Variants in SLC38A1 observed in about 807,000 individuals in gnomAD.
The protein encoded by SLC38A1 is sodium-coupled neutral amino acid symporter 1.
Under a neutral mutation model 60.3 loss-of-function variants are expected in SLC38A1, and 18 were observed. The ratio of observed to expected loss-of-function variants is 0.30; its 90% CI spans 0.21 to 0.44. SLC38A1 has a LOEUF of 0.44. SLC38A1 is among the 20% of genes least tolerant of loss of function. SLC38A1 has a pLI of 1.00. For synonymous variants in SLC38A1, 196 were observed against 212.1 expected (o/e 0.92, Z 0.66); for missense variants, 448 against 587.2 (o/e 0.76, Z 2.45).
Position 46,186,703 on chromosome 12 carries a change from A to G in SLC38A1, c.*2267T>C, listed in dbSNP as rs922087707. ...ACAACACTGTGCCTCCTCTAAATAAATCTATTTTAAATAAATATTCCTTGT... is the reference window on the plus strand; with the variant it reads ...ACAACACTGTGCCTCCTCTAAATAAGTCTATTTTAAATAAATATTCCTTGT... On this transcript the variant is annotated 3_prime_UTR_variant, in exon 17 of 17. Coordinates refer to ENST00000398637, the MANE Select transcript of SLC38A1 (RefSeq NM_030674.4). 1 of 152,208 alleles carries G rather than the reference A, an allele frequency of 6.6e-6. No homozygotes were observed. The highest frequency in any genetic ancestry group is 1.5e-5 in the Non-Finnish European group (1 of 68,038). 9.4% of individuals were successfully genotyped at this position (152,208 alleles called of 1,614,324 possible). A position where few individuals can be genotyped will look rare whatever the true frequency, so the allele number is the denominator to read the frequency against.
chr12:46,223,338 G>A (rs913388293), intron 5 of SLC38A1, among the ~76,000 whole-genome samples: 1 of 152,052 alleles, frequency 6.6e-6, no homozygotes, highest in Admixed American at 6.6e-5. Flanking sequence ...GTAAATGTTA[G>A]CCATTATTTA....
intron 5 of SLC38A1, 106 bp from the exon 6 acceptor site, chr12:46,209,233 T>A: frequency 1.4e-6 from 1 of 709,242 alleles, no homozygotes; most frequent in Non-Finnish European, 2.3e-6. Flanking sequence ...CACTATTTGT[T>A]AATAGTATCC....
In SLC38A1 at chr12:46,254,048, A is replaced by ACAAGGC. The variant is rs1478192098; in HGVS notation, c.-208-10735_-208-10734insGCCTTG. ...TTATGCCTATACAGAGTGCCATAGC[A>ACAAGGC]ATGTATTCCACAAGAGTAAAGCAAA... On this transcript the variant is annotated intron_variant, in intron 1 of 16. Coordinates refer to ENST00000398637, the MANE Select transcript of SLC38A1 (RefSeq NM_030674.4). Among the ~76,000 whole-genome samples, 34 of 152,360 alleles carry ACAAGGC rather than the reference A, an allele frequency of 2.2e-4. No individual in the cohort carries two copies. In the East Asian group the frequency reaches 6.4e-3, roughly 28 times the overall value.
Position 46,188,332 on chromosome 12 carries a change from T to C in SLC38A1, c.*638A>G, listed in dbSNP as rs747510006. 5 of 152,428 alleles carry C rather than the reference T, an allele frequency of 3.3e-5. No homozygotes were observed. The highest frequency in any genetic ancestry group is 5.9e-5 in the Non-Finnish European group (4 of 68,042). The allele number at this position is 152,428 out of a possible 1,614,324, so 9.4% of individuals were successfully genotyped here. A position where few individuals can be genotyped will look rare whatever the true frequency, so the allele number is the denominator to read the frequency against. ...GCCAGAGAATGTCTCTGGATGGGAATAGATGTGGTACCAGCTAGGCCACTG... is the reference window on the plus strand; with the variant it reads ...GCCAGAGAATGTCTCTGGATGGGAACAGATGTGGTACCAGCTAGGCCACTG... On this transcript the variant is annotated 3_prime_UTR_variant, in exon 17 of 17. Coordinates refer to ENST00000398637, the MANE Select transcript of SLC38A1 (RefSeq NM_030674.4).
intron 5 of SLC38A1, among the ~76,000 whole-genome samples, chr12:46,209,900 A>G (rs1289304277): frequency 1.3e-5 from 2 of 152,240 alleles, no homozygotes; most frequent in Non-Finnish European, 2.9e-5. Context: ...GTTAAAACAG[A>G]CATGATAATT....
At chr12:46,254,312 A>G (rs1315666929) in intron 1 of SLC38A1, among the ~76,000 whole-genome samples, 3 of 151,884 alleles carry the variant, frequency 2.0e-5, no homozygotes, top group African/African-American at 7.2e-5. Context: ...TGATGAGACT[A>G]GAATTTAATA....
chr12:46,199,610 T>C (rs1939559087), intron 13 of SLC38A1, among the ~76,000 whole-genome samples: 1 of 151,954 alleles, frequency 6.6e-6, no homozygotes, highest in Non-Finnish European at 1.5e-5. Context: ...CCACCTACCT[T>C]GGCCTCCCAA....
intron 1 of SLC38A1, among the ~76,000 whole-genome samples, chr12:46,247,803 C>A (rs1175234438): frequency 6.6e-6 from 1 of 152,208 alleles, no homozygotes; most frequent in Non-Finnish European, 1.5e-5. Context: ...GGGTTACCCA[C>A]AAAGGGAAGC....
At chr12:46,238,261 G>C (rs922889911) in intron 3 of SLC38A1, among the ~76,000 whole-genome samples, 5 of 148,746 alleles carry the variant, frequency 3.4e-5, no homozygotes. Context: ...ACATCACCTA[G>C]CACAGTTGAC....
In SLC38A1 at chr12:46,188,742, A is replaced by G; in HGVS notation, c.*228T>C. ...AGTACTGGGAAATATGATTGTATGA[A>G]ATTTGAAAAAAAAATTTCACAATCC... On this transcript the variant is annotated 3_prime_UTR_variant, in exon 17 of 17. Coordinates refer to ENST00000398637, the MANE Select transcript of SLC38A1 (RefSeq NM_030674.4). 1 of 425,464 alleles carries G rather than the reference A, an allele frequency of 2.4e-6. No individual in the cohort carries two copies. Among genetic ancestry groups the G allele is most frequent in the South Asian group, 4.9e-5 (1 of 20,246 alleles). The allele number at this position is 425,464 out of a possible 1,614,324, so 26.4% of individuals were successfully genotyped here.
chr12:46,225,388 A>G (rs1940822742), intron 5 of SLC38A1, among the ~76,000 whole-genome samples: 1 of 152,222 alleles, frequency 6.6e-6, no homozygotes, highest in Admixed American at 6.5e-5. Context: ...TGGAAAGTAT[A>G]CAATATATGT....
At chr12:46,240,428 T>G (rs1327790750) in intron 2 of SLC38A1, among the ~76,000 whole-genome samples, 3 of 152,204 alleles carry the variant, frequency 2.0e-5, no homozygotes, top group Non-Finnish European at 4.4e-5. Flanking sequence ...ACTACTGACC[T>G]CAGGTGATCC....
intron 3 of SLC38A1, among the ~76,000 whole-genome samples, chr12:46,236,343 C>CTT (rs1941258980): frequency 6.6e-6 from 1 of 151,726 alleles, no homozygotes; most frequent in Non-Finnish European, 1.5e-5. Context: ...CATAAATGGG[C>CTT]TAACTAACCT....
intron 13 of SLC38A1, among the ~76,000 whole-genome samples, chr12:46,199,964 A>C (rs973040952): frequency 1.3e-5 from 2 of 152,210 alleles, no homozygotes; most frequent in African/African-American, 4.8e-5. Context: ...CTAACCACTT[A>C]AAAAATAGCT....
chr12:46,188,218 A>G lies in SLC38A1; in HGVS notation c.*752T>C, dbSNP rs1266354310. On this transcript the variant is annotated 3_prime_UTR_variant, in exon 17 of 17. Transcript: ENST00000398637. The stretch of plus-strand genomic sequence containing the variant: ...CACAAGTTGCCAAGAGGGAAAAAAT[A>G]CTTCATTTGCTAGATTACCCAAATG... 1.3e-5 allele frequency: 2 copies of G among 152,240 alleles called. No individual in the cohort carries two copies. Among genetic ancestry groups the G allele is most frequent in the Non-Finnish European group, 2.9e-5 (2 of 68,048 alleles). 9.4% of individuals were successfully genotyped at this position (152,240 alleles called of 1,614,324 possible).
intron 5 of SLC38A1, among the ~76,000 whole-genome samples, chr12:46,217,332 T>C (rs1356297454): frequency 1.3e-5 from 2 of 152,180 alleles, no homozygotes; most frequent in Non-Finnish European, 2.9e-5. Context: ...CAGAGTGGAA[T>C]AACACTGTAA....
chr12:46,238,607 A>C (rs1941337762), intron 3 of SLC38A1, among the ~76,000 whole-genome samples: 2 of 152,192 alleles, frequency 1.3e-5, no homozygotes, highest in South Asian at 4.1e-4. Context: ...CCCAAGCTGG[A>C]GGCTTCCTGC....
At chr12:46,238,924 T>C (rs1308887935) in intron 3 of SLC38A1, among the ~76,000 whole-genome samples, 1 of 151,976 alleles carries the variant, frequency 6.6e-6, no homozygotes, top group Admixed American at 6.6e-5. Flanking sequence ...TTAAAATCCA[T>C]ACTACAAATG....
intron 16 of SLC38A1, among the ~76,000 whole-genome samples, chr12:46,194,064 G>T (rs1939261325): frequency 6.6e-6 from 1 of 152,178 alleles, no homozygotes; most frequent in Non-Finnish European, 1.5e-5. Context: ...TTTTGCAGTG[G>T]CTGGTACTGG....
Sources: allele counts gnomAD v4.1 joint callset (sites outside exome capture counted in the v4.1 genomes callset), GRCh38; gene constraint gnomAD v4.1.1; transcripts MANE v1.5; gene names NCBI Gene and HGNC (gene_info 2026-07-23, HGNC 2026-07-21).